The following GABBR2 variants were observed in gnomAD, a reference collection of about 807,000 sequenced individuals.
GABBR2 encodes the protein gamma-aminobutyric acid type B receptor subunit 2.
A neutral mutation model predicts 105.6 loss-of-function variants in GABBR2; 23 were observed. That is an observed-to-expected ratio of 0.22 (90% CI 0.16 to 0.31). The LOEUF (loss-of-function observed/expected upper bound fraction) is 0.31, where lower values mean the gene tolerates loss of function less well. Ranked by LOEUF, GABBR2 falls within the 10% of genes least tolerant of loss-of-function variation. The pLI is 1.00. For missense variants in GABBR2, 734 were observed against 1,245.5 expected (o/e 0.59, Z 6.18); for synonymous variants, 478 against 499.7 (o/e 0.96, Z 0.58).
intron 6 of GABBR2, among the ~76,000 whole-genome samples, chr9:98,466,263 A>T (rs1363899470): frequency 6.6e-6 from 1 of 152,244 alleles, no homozygotes; most frequent in African/African-American, 2.4e-5. Context: ...TACTAAAAAA[A>T]GCTGTGGAGT....
rs781420688 is a variant in GABBR2 at position 98,406,094 on chromosome 9, A to G, written c.1284T>C (p.Phe428=). 6.4e-7 allele frequency: 1 copy of G among 1,570,074 alleles called. No homozygotes were observed. Among genetic ancestry groups the G allele is most frequent in the Non-Finnish European group, 8.7e-7 (1 of 1,145,906 alleles). The change falls in exon 8 of 19, where the codon TTT becomes TTC. Residue 428 remains phenylalanine, a synonymous_variant. Coordinates refer to ENST00000259455, the MANE Select transcript of GABBR2 (RefSeq NM_005458.8). ...RNGERMGTIK[F]TQFQDSREVK... ...CAAAATGCCTACCTTGAAATTGAGT[A>G]AATTTAATGGTCCCCATTCTCTCCC...
At chr9:98,602,731 G>A (rs1264217964) in intron 1 of GABBR2, among the ~76,000 whole-genome samples, 1 of 152,220 alleles carries the variant, frequency 6.6e-6, no homozygotes, top group Non-Finnish European at 1.5e-5. Flanking sequence ...GAAAACTGGA[G>A]GAAAGAGAGT....
intron 2 of GABBR2, among the ~76,000 whole-genome samples, chr9:98,546,577 G>A (rs1828406314): frequency 6.6e-6 from 1 of 152,076 alleles, no homozygotes; most frequent in South Asian, 2.1e-4. Context: ...ACTGTATCAC[G>A]CTTGTTATTA....
chr9:98,531,353 C>CA (rs71496898), intron 3 of GABBR2, among the ~76,000 whole-genome samples: 2 of 152,076 alleles, frequency 1.3e-5, no homozygotes, highest in Non-Finnish European at 2.9e-5. Context: ...CCTTTTGAAC[C>CA]AAAAATGGGA....
At chr9:98,579,403 C>A (rs1180089320) in intron 1 of GABBR2, among the ~76,000 whole-genome samples, 1 of 152,156 alleles carries the variant, frequency 6.6e-6, no homozygotes. Flanking sequence ...GCCTTTCCAT[C>A]CCCACCTCCC....
intron 1 of GABBR2, among the ~76,000 whole-genome samples, chr9:98,663,494 C>T (rs1193122957): frequency 1.3e-5 from 2 of 151,930 alleles, no homozygotes; most frequent in African/African-American, 4.8e-5. Flanking sequence ...GTCAGAATAG[C>T]AGTCAGGGGC....
intron 7 of GABBR2, among the ~76,000 whole-genome samples, chr9:98,436,280 C>CATATATATAT (rs56768409): frequency 5.0e-4 from 27 of 53,920 alleles, no homozygotes; most frequent in East Asian, 4.1e-3. Context: ...CAACAACAAC[C>CATATATATAT]ATATATATAT....
intron 1 of GABBR2, among the ~76,000 whole-genome samples, chr9:98,608,892 C>T (rs1172667123): frequency 2.0e-5 from 3 of 152,088 alleles, no homozygotes; most frequent in Admixed American, 6.5e-5. Flanking sequence ...TCTTTAACTC[C>T]TTTTTACACT....
At chr9:98,457,381 C>T (rs887154932) in intron 6 of GABBR2, among the ~76,000 whole-genome samples, 4 of 152,208 alleles carry the variant, frequency 2.6e-5, no homozygotes, top group African/African-American at 9.7e-5. Context: ...CCAGTGTGGT[C>T]TCACTGGGTG....
chr9:98,528,781 T>G (rs1930424), intron 3 of GABBR2, among the ~76,000 whole-genome samples: 7,317 of 152,154 alleles, frequency 0.048, 261 homozygotes, highest in South Asian at 0.13. Flanking sequence ...CAGAAAAGAA[T>G]AATACACAAT....
chr9:98,426,393 T>C (rs938574021), intron 7 of GABBR2, among the ~76,000 whole-genome samples: 4 of 152,210 alleles, frequency 2.6e-5, no homozygotes, highest in Non-Finnish European at 5.9e-5. Context: ...TCTGCCAGTG[T>C]GTGTATGCAC....
chr9:98,379,558 C>T (rs1358409795), intron 11 of GABBR2, among the ~76,000 whole-genome samples: 5 of 152,184 alleles, frequency 3.3e-5, no homozygotes, highest in South Asian at 4.1e-4. Context: ...CATGAGCCAC[C>T]GCACCTGGCC....
chr9:98,455,155 A>C (rs2131605118), intron 6 of GABBR2, among the ~76,000 whole-genome samples: 1 of 152,338 alleles, frequency 6.6e-6, no homozygotes, highest in South Asian at 2.1e-4. Flanking sequence ...CATTGAAAAA[A>C]AGATTTTTTT....
intron 1 of GABBR2, among the ~76,000 whole-genome samples, chr9:98,579,214 T>C (rs967964298): frequency 6.6e-6 from 1 of 152,220 alleles, no homozygotes; most frequent in Non-Finnish European, 1.5e-5. Flanking sequence ...GACTACTCTG[T>C]GTTCAGTCCA....
At position 98,478,465 on chromosome 9, in the gene GABBR2, C is replaced by T. The variant is rs149915957; in HGVS notation, c.798+2467G>A. On this transcript the variant is annotated intron_variant, in intron 5 of 18. Coordinates refer to ENST00000259455, the MANE Select transcript of GABBR2 (RefSeq NM_005458.8). ...GGGGACCCAACACATGGACACTATA[C>T]CCAGCCCAAAGCCTCTGAGAAACTC... is the stretch of plus-strand genomic sequence containing the variant. Among the ~76,000 whole-genome samples, 602 of 152,286 alleles carry T rather than the reference C, an allele frequency of 4.0e-3. 3 individuals are homozygous for T. The highest frequency in any genetic ancestry group is 0.013 in the African/African-American group (542 of 41,554).
intron 13 of GABBR2, among the ~76,000 whole-genome samples, chr9:98,349,516 G>C (rs925251461): frequency 6.6e-6 from 1 of 151,810 alleles, no homozygotes; most frequent in Admixed American, 6.6e-5. Flanking sequence ...ACCAGGCCTG[G>C]CTAATTTTTT....
chr9:98,313,947 C>A (rs928698275), intron 13 of GABBR2, among the ~76,000 whole-genome samples: 8 of 152,084 alleles, frequency 5.3e-5, no homozygotes, highest in Admixed American at 1.3e-4. Flanking sequence ...GGGGTGGGAC[C>A]TGGGGGTTCA....
chr9:98,299,479 AG>A (rs1362329554), intron 16 of GABBR2, 126 bp from the exon 17 acceptor site: 8 of 963,026 alleles, frequency 8.3e-6, no homozygotes, highest in Non-Finnish European at 1.3e-5. Context: ...TGAGAATCAG[AG>A]GGGTTACTGC....
At chr9:98,295,424 G>C (rs1396716532) in intron 17 of GABBR2, among the ~76,000 whole-genome samples, 1 of 152,192 alleles carries the variant, frequency 6.6e-6, no homozygotes, top group Non-Finnish European at 1.5e-5. Flanking sequence ...GCTGTGATGT[G>C]CCTTATGGAG....
Sources: allele counts gnomAD v4.1 joint callset (sites outside exome capture counted in the v4.1 genomes callset), GRCh38; gene constraint gnomAD v4.1.1; transcripts MANE v1.5; gene names NCBI Gene and HGNC (gene_info 2026-07-23, HGNC 2026-07-21).